Variants in RBBP8 observed in about 807,000 individuals in gnomAD.
RBBP8 encodes DNA endonuclease RBBP8.
RBBP8 carries 88 observed loss-of-function variants against 108.3 expected under a neutral mutation model. The observed-to-expected ratio is 0.81, with a 90% CI of 0.68 to 0.97. RBBP8 has a LOEUF of 0.97. RBBP8 is among the 50% of genes least tolerant of loss of function. The probability of loss-of-function intolerance (pLI) is 0.00; values close to 1 mark genes in which losing one functional copy is unlikely to be tolerated. For missense variants in RBBP8, 1,023 were observed against 1,049.0 expected, an observed-to-expected ratio of 0.98 and a Z score of 0.34; for synonymous variants, 332 against 348.2, an observed-to-expected ratio of 0.95 and a Z score of 0.52.
At chr18:22,961,002 G>A (rs934108175) in intron 4 of RBBP8, among the ~76,000 whole-genome samples, 15 of 152,072 alleles carry the variant, frequency 9.9e-5, no homozygotes, top group Non-Finnish European at 1.8e-4. Context: ...TGCATTTTTC[G>A]TCAGTGACAT....
At chr18:22,932,337 CAT>C (rs1480790194), upstream of RBBP8, among the ~76,000 whole-genome samples, 2 of 152,168 alleles carry the variant, frequency 1.3e-5, no homozygotes, top group African/African-American at 2.4e-5. Context: ...TTAAAAATTA[CAT>C]AGTCAAAATT....
At chr18:22,929,364 T>G (rs1163874046), upstream of RBBP8, 2 of 54,438 alleles carry the variant, frequency 3.7e-5, no homozygotes, top group Non-Finnish European at 6.9e-5. Flanking sequence ...GGATAACAGA[T>G]TTTTTTTTTT....
intron 10 of RBBP8, among the ~76,000 whole-genome samples, chr18:22,991,979 G>A (rs914146525): frequency 2.0e-5 from 3 of 152,138 alleles, no homozygotes; most frequent in Non-Finnish European, 2.9e-5. Flanking sequence ...GCTCCAGAAA[G>A]GTTAAATGTC....
At chr18:22,933,831 C>G (rs1396719771) in intron 1 of RBBP8, 2 of 152,196 alleles carry the variant, frequency 1.3e-5, no homozygotes, top group Admixed American at 6.5e-5. Flanking sequence ...GCGCATGCGC[C>G]GACTGCGGCT....
At position 22,992,963 on chromosome 18, in the gene RBBP8, C is replaced by G. The variant is rs2144701507; in HGVS notation, c.1136C>G (p.Ser379Cys). The G allele has an allele frequency of 1.2e-6, 2 of 1,613,504 alleles. No homozygotes were observed. The highest frequency in any genetic ancestry group is 1.7e-6 in the Non-Finnish European group (2 of 1,179,510). Reference protein sequence around the residue: ...ISRLEKTRSKSEDSALFTHHS... With the variant: ...ISRLEKTRSKCEDSALFTHHS... ...AGATTAGAAAAAACTAGATCAAAAT[C>G]TGAAGATAGTGCCCTTTTCACACAT... The change falls in exon 11 of 19, where the codon TCT becomes TGT. Residue 379 changes from serine (S) to cysteine (C), a missense_variant. Transcript: ENST00000327155.
At chr18:23,017,741 C>CTTTTTTTTTTTTTTTTTTTTTTTT (rs928545363) in intron 17 of RBBP8, among the ~76,000 whole-genome samples, 1 of 89,196 alleles carries the variant, frequency 1.1e-5, no homozygotes. Context: ...AATATAAGTT[C>CTTTTTTTTTTTTTTTTTTTTTTTT]TTTTTTTTTT....
At chr18:22,921,235 T>C (rs1366087884) in intron 3 of RBBP8, among the ~76,000 whole-genome samples, 2 of 152,116 alleles carry the variant, frequency 1.3e-5, no homozygotes, top group East Asian at 3.8e-4. Context: ...CAAAAGTTCA[T>C]CCTTGAGTTC....
chr18:23,009,673 T>G (rs2046122201), intron 16 of RBBP8, among the ~76,000 whole-genome samples: 1 of 152,060 alleles, frequency 6.6e-6, no homozygotes, highest in Non-Finnish European at 1.5e-5. Context: ...TGTTTAAAAT[T>G]TATGATTTTT....
At position 22,991,646 on chromosome 18, in the gene RBBP8, A is replaced by G. The variant is rs144617190; in HGVS notation, c.920+597A>G. ...TACCTAATACAATGCCTACATATCA[A>G]TCCATTTGCAAAGATTCAACATAGT... On this transcript the variant is annotated intron_variant, in intron 10 of 18. Transcript: ENST00000327155. Among the ~76,000 whole-genome samples, 129 of 152,310 alleles carry G rather than the reference A, an allele frequency of 8.5e-4. No homozygotes were observed. The Middle Eastern group carries it at 0.017, about 20-fold the overall frequency.
chr18:22,924,366 A>T (rs1721197223), intron 3 of RBBP8, among the ~76,000 whole-genome samples: 1 of 152,004 alleles, frequency 6.6e-6, no homozygotes, highest in South Asian at 2.1e-4. Flanking sequence ...TGACCTCATG[A>T]TCTGCCTGCC....
Position 23,000,549 on chromosome 18 carries a change from C to T in RBBP8, c.2144-1037C>T, listed in dbSNP as rs147078437. ...TTGAGGTCAGGAGTTTGAGACCAGC[C>T]TGGCCAACACGGTGAAACCCCATCT... is the stretch of plus-strand genomic sequence containing the variant. On this transcript the variant is annotated intron_variant, in intron 14 of 18. Coordinates refer to ENST00000327155, the MANE Select transcript of RBBP8 (RefSeq NM_002894.3). Among the ~76,000 whole-genome samples, 893 of 152,148 alleles carry T rather than the reference C, an allele frequency of 5.9e-3. 10 individuals carry two copies. The highest frequency in any genetic ancestry group is 0.028 in the South Asian group (135 of 4,810).
chr18:23,007,157 A>C (rs984904457), intron 16 of RBBP8, among the ~76,000 whole-genome samples: 1 of 150,730 alleles, frequency 6.6e-6, no homozygotes, highest in African/African-American at 2.4e-5. Flanking sequence ...AGTAGCTGGG[A>C]TTACAGGTGC....
intron 5 of RBBP8, among the ~76,000 whole-genome samples, chr18:22,972,309 G>T (rs1377361567): frequency 1.4e-5 from 2 of 139,690 alleles, no homozygotes; most frequent in African/African-American, 5.5e-5. Flanking sequence ...AGCCAAGATT[G>T]CGCCACTGCA....
chr18:22,969,671 A>G (rs1359000629), intron 5 of RBBP8, among the ~76,000 whole-genome samples: 1 of 152,140 alleles, frequency 6.6e-6, no homozygotes, highest in African/African-American at 2.4e-5. Flanking sequence ...AGAGGTAACT[A>G]CTGTTAATAG....
intron 17 of RBBP8, among the ~76,000 whole-genome samples, chr18:23,017,914 T>C (rs2046289025): frequency 6.6e-6 from 1 of 150,972 alleles, no homozygotes; most frequent in Non-Finnish European, 1.5e-5. Context: ...GCATGACTAA[T>C]TTTTGTATTT....
intron 16 of RBBP8, among the ~76,000 whole-genome samples, chr18:23,012,046 C>CA (rs1003781403): frequency 1.3e-5 from 2 of 150,936 alleles, no homozygotes; most frequent in African/African-American, 2.4e-5. Context: ...ACAAAAAATA[C>CA]AAAAAAAATT....
chr18:23,026,119 CTAAGTT>C lies in RBBP8; in HGVS notation c.2597-21_2597-16del. The stretch of plus-strand genomic sequence containing the variant: ...AAATGCATGTTGCACATACAGTCTT[CTAAGTT>C]TATGATTTGTTTTTAAGGTTATATT... On this transcript the variant is annotated intron_variant, in intron 18 of 18. Transcript: ENST00000327155. The C allele has an allele frequency of 6.4e-7, 1 of 1,567,200 alleles. No individual in the cohort carries two copies. The highest frequency in any genetic ancestry group is 8.8e-7 in the Non-Finnish European group (1 of 1,138,652).
rs1387236308 is a variant in RBBP8 at position 22,918,681 on chromosome 18, C to A, written c.-154+1655C>A. Among the ~76,000 whole-genome samples the A allele has an allele frequency of 2.0e-5, 3 of 151,966 alleles. No individual in the cohort carries two copies. The East Asian group carries it at 5.8e-4, about 29-fold the overall frequency. ...AATTAATTGGCCAAGAATTTATTTTCTTTCTTCTTTTTTTAGATAGGGTCT... is the reference window on the plus strand; with the variant it reads ...AATTAATTGGCCAAGAATTTATTTTATTTCTTCTTTTTTTAGATAGGGTCT... On this transcript the variant is annotated intron_variant, in intron 3 of 4. Transcript: ENST00000577588.
At chr18:22,995,766 C>T (rs1283376931) in intron 12 of RBBP8, among the ~76,000 whole-genome samples, 1 of 152,124 alleles carries the variant, frequency 6.6e-6, no homozygotes, top group African/African-American at 2.4e-5. Flanking sequence ...TTTTTTATTG[C>T]ATAAGTATAC....
Sources: gnomAD v4.1 joint callset for allele counts (sites outside exome capture counted in the v4.1 genomes callset) on GRCh38, gnomAD v4.1.1 for gene constraint, MANE v1.5 for transcripts, NCBI Gene and HGNC (gene_info 2026-07-23, HGNC 2026-07-21) for gene names.